The following SGCD variants were observed in gnomAD, a reference collection of about 807,000 sequenced individuals.
SGCD encodes the protein sarcoglycan delta, also known as delta-sarcoglycan.
A neutral mutation model predicts 36.6 loss-of-function variants in SGCD; 18 were observed. That is an observed-to-expected ratio of 0.49 (90% CI 0.34 to 0.73). The LOEUF (loss-of-function observed/expected upper bound fraction) is 0.73. Ranked by LOEUF, SGCD falls within the 30% of genes least tolerant of loss-of-function variation. SGCD has a pLI of 0.01. For missense variants in SGCD, 387 were observed against 346.7 expected, an observed-to-expected ratio of 1.12 and a Z score of -0.92; for synonymous variants, 133 against 130.6, an observed-to-expected ratio of 1.02 and a Z score of -0.12.
the SGCD span, among the ~76,000 whole-genome samples, chr5:155,761,903 A>G: frequency 6.6e-6 from 1 of 151,982 alleles, no homozygotes; most frequent in African/African-American, 2.4e-5. Flanking sequence ...CGTTATTGTC[A>G]TGTCTGCCAA....
upstream of SGCD, among the ~76,000 whole-genome samples, chr5:156,323,888 T>C (rs1767738156): frequency 1.3e-5 from 2 of 152,112 alleles, no homozygotes; most frequent in Non-Finnish European, 2.9e-5. Flanking sequence ...GAGAACCGAG[T>C]ACAGTCCTAT....
intron 7 of SGCD, among the ~76,000 whole-genome samples, chr5:156,743,617 G>A (rs1756800157): frequency 6.6e-6 from 1 of 152,108 alleles, no homozygotes; most frequent in Admixed American, 6.5e-5. Context: ...GTTTTGTAAT[G>A]GCCAAGCTTG....
the SGCD span, among the ~76,000 whole-genome samples, chr5:155,781,267 C>T: frequency 6.6e-6 from 1 of 152,118 alleles, no homozygotes; most frequent in African/African-American, 2.4e-5. Flanking sequence ...GACATGGAGT[C>T]ATATGGGTCT....
chr5:156,657,325 C>T (rs1404270623), intron 7 of SGCD, among the ~76,000 whole-genome samples: 2 of 151,472 alleles, frequency 1.3e-5, no homozygotes, highest in Non-Finnish European at 2.9e-5. Context: ...ATACATGTGC[C>T]ATGTTGGTGT....
At chr5:156,525,008 T>C (rs987593532) in intron 4 of SGCD, among the ~76,000 whole-genome samples, 1 of 152,146 alleles carries the variant, frequency 6.6e-6, no homozygotes, top group African/African-American at 2.4e-5. Context: ...ATCTTGGCTA[T>C]TGTGAATAAT....
At chr5:156,464,543 A>G (rs556543233) in intron 3 of SGCD, among the ~76,000 whole-genome samples, 46 of 152,176 alleles carry the variant, frequency 3.0e-4, no homozygotes, top group Non-Finnish European at 6.0e-4. Flanking sequence ...CTTAGGCACC[A>G]TTTTATATGA....
chr5:156,261,386 G>C (rs10038926), intron 3 of SGCD, among the ~76,000 whole-genome samples: 8 of 152,100 alleles, frequency 5.3e-5, no homozygotes, highest in African/African-American at 1.7e-4. Context: ...GGATGTTGTA[G>C]TCAATGATAT....
intron 6 of SGCD, among the ~76,000 whole-genome samples, chr5:156,595,351 T>A (rs1346901831): frequency 6.6e-6 from 1 of 152,170 alleles, no homozygotes; most frequent in African/African-American, 2.4e-5. Context: ...CACCAGAACC[T>A]GACCAGGCTC....
At chr5:155,836,768 G>C in the SGCD span, among the ~76,000 whole-genome samples, 1 of 152,060 alleles carries the variant, frequency 6.6e-6, no homozygotes, top group Non-Finnish European at 1.5e-5. Context: ...CCTCCTTCTA[G>C]CATAGAAAAA....
At chr5:156,750,168 T>C (rs1403996777) in intron 7 of SGCD, among the ~76,000 whole-genome samples, 1 of 152,058 alleles carries the variant, frequency 6.6e-6, no homozygotes, top group East Asian at 1.9e-4. Context: ...TAATTAATGA[T>C]AGAAACTTTT....
chr5:156,279,206 T>C (rs1341554356), intron 3 of SGCD, among the ~76,000 whole-genome samples: 1 of 152,178 alleles, frequency 6.6e-6, no homozygotes. Flanking sequence ...CAGTCTGTTA[T>C]GGGCGGGGTA....
At chr5:156,331,375 T>C (rs887710588) in intron 2 of SGCD, among the ~76,000 whole-genome samples, 32 of 152,198 alleles carry the variant, frequency 2.1e-4, no homozygotes, top group African/African-American at 7.2e-4. Context: ...CATGTCACCG[T>C]GGTTCACTTA....
intron 1 of SGCD, among the ~76,000 whole-genome samples, chr5:155,952,889 T>C (rs2113433993): frequency 6.6e-6 from 1 of 152,352 alleles, no homozygotes; most frequent in South Asian, 2.1e-4. Flanking sequence ...CATGGGGCTT[T>C]AATTAAATGA....
intron 6 of SGCD, among the ~76,000 whole-genome samples, chr5:156,634,272 G>A (rs1306854763): frequency 2.0e-5 from 3 of 151,966 alleles, no homozygotes; most frequent in Non-Finnish European, 4.4e-5. Flanking sequence ...GGGGTGGGGT[G>A]GGAGGGTGAG....
chr5:156,426,114 C>T lies in SGCD; in HGVS notation c.192+81437C>T, dbSNP rs374078790. 9.9e-5 allele frequency among the ~76,000 whole-genome samples: 15 copies of T among 152,128 alleles called. No individual in the cohort carries two copies. The East Asian group carries it at 2.9e-3, about 29-fold the overall frequency. On this transcript the variant is annotated intron_variant, in intron 3 of 8. Transcript: ENST00000337851. ...CTAGGTCAAATGATAGTTTTACTTT[C>T]AGTTCTTTAAGGAATCTTCATACTG...
chr5:156,633,854 T>C (rs1646302647), intron 6 of SGCD, among the ~76,000 whole-genome samples: 2 of 152,128 alleles, frequency 1.3e-5, no homozygotes, highest in Non-Finnish European at 2.9e-5. Flanking sequence ...TAATTTCATT[T>C]CCCTAGCCTG....
intron 1 of SGCD, among the ~76,000 whole-genome samples, chr5:155,881,705 C>T (rs1430453987): frequency 6.6e-6 from 1 of 152,194 alleles, no homozygotes; most frequent in Non-Finnish European, 1.5e-5. Context: ...GTTTTACCCA[C>T]AGTAAATCTT....
At chr5:156,226,837 G>T (rs2127648667) in intron 3 of SGCD, among the ~76,000 whole-genome samples, 1 of 152,158 alleles carries the variant, frequency 6.6e-6, no homozygotes, top group South Asian at 2.1e-4. Context: ...GCATTTCCCT[G>T]ATCATTAGTG....
intron 3 of SGCD, among the ~76,000 whole-genome samples, chr5:156,193,925 T>C (rs1420721335): frequency 6.6e-6 from 1 of 152,188 alleles, no homozygotes; most frequent in Admixed American, 6.5e-5. Context: ...GCCTGCAGCC[T>C]CAAGAAACCA....
Sources: gnomAD v4.1 joint callset for allele counts (sites outside exome capture counted in the v4.1 genomes callset) on GRCh38, gnomAD v4.1.1 for gene constraint, MANE v1.5 for transcripts, NCBI Gene and HGNC (gene_info 2026-07-23, HGNC 2026-07-21) for gene names.